Variants in FOXP2 observed in about 807,000 individuals in gnomAD.
FOXP2 encodes the protein forkhead box P2.
A neutral mutation model predicts 115.8 loss-of-function variants in FOXP2; 12 were observed. That is an observed-to-expected ratio of 0.10 (90% CI 0.07 to 0.17). The LOEUF is 0.17. Ranked by LOEUF, FOXP2 falls within the 10% of genes least tolerant of loss-of-function variation. FOXP2 has a pLI of 1.00. For missense variants in FOXP2, 629 were observed against 843.5 expected (o/e 0.75, Z 3.15); for synonymous variants, 328 against 297.7 (o/e 1.10, Z -1.05).
At position 114,693,376 on chromosome 7, in the gene FOXP2, C is replaced by G. The variant is rs1039891240; in HGVS notation, c.*3450C>G. 1.8e-5 allele frequency: 8 copies of G among 453,706 alleles called. No homozygotes were observed. The highest frequency in any genetic ancestry group is 1.6e-4 in the African/African-American group (8 of 49,976). The allele number at this position is 453,706 out of a possible 1,614,324, so 28.1% of individuals were successfully genotyped here. On this transcript the variant is annotated 3_prime_UTR_variant, in exon 17 of 17. Coordinates refer to ENST00000350908, the MANE Select transcript of FOXP2 (RefSeq NM_014491.4). The stretch of plus-strand genomic sequence containing the variant: ...TAAACCATCCTGGACTTTAATGTCC[C>G]TGGGCAGATTCAGTCGCAAAATCCA...
intron 1 of FOXP2, among the ~76,000 whole-genome samples, chr7:114,118,739 C>T (rs1384297351): frequency 1.3e-5 from 2 of 151,962 alleles, no homozygotes; most frequent in African/African-American, 4.8e-5. Context: ...GTCACCTGAT[C>T]CTTAGAGTGT....
intron 1 of FOXP2, among the ~76,000 whole-genome samples, chr7:114,238,725 T>A (rs1234221698): frequency 6.6e-6 from 1 of 151,966 alleles, no homozygotes; most frequent in South Asian, 2.1e-4. Context: ...TGAGCCAAGA[T>A]CATGCCACTG....
chr7:114,582,202 T>A (rs1055507264), intron 3 of FOXP2, among the ~76,000 whole-genome samples: 1 of 152,182 alleles, frequency 6.6e-6, no homozygotes, highest in Admixed American at 6.5e-5. Context: ...AGGTAGTTAA[T>A]CTTTAAAAAG....
chr7:114,476,583 G>GGATT lies in FOXP2; in HGVS notation c.168+49905_168+49908dup, dbSNP rs1189096798. ...CCTCTAGCTTTGTTCCTTTTCCTTA[G>GGATT]GATTACTTTGGCTATTCAGGCTCTT... is the stretch of plus-strand genomic sequence containing the variant. On this transcript the variant is annotated intron_variant, in intron 2 of 16. Coordinates refer to ENST00000350908, the MANE Select transcript of FOXP2 (RefSeq NM_014491.4). Among the ~76,000 whole-genome samples, 11 of 151,884 alleles carry GGATT rather than the reference G, an allele frequency of 7.2e-5. No homozygotes were observed. The East Asian group carries it at 2.1e-3, about 29-fold the overall frequency.
intron 2 of FOXP2, among the ~76,000 whole-genome samples, chr7:114,488,034 C>A (rs116025928): frequency 1.1e-4 from 16 of 152,250 alleles, no homozygotes; most frequent in African/African-American, 3.8e-4. Flanking sequence ...CAAGACATAC[C>A]TGAGACTGGG....
intron 1 of FOXP2, among the ~76,000 whole-genome samples, chr7:114,179,449 A>G (rs1425486409): frequency 6.6e-6 from 1 of 151,890 alleles, no homozygotes; most frequent in Non-Finnish European, 1.5e-5. Flanking sequence ...TCCACTCAGT[A>G]TTTTGTTTAC....
intron 2 of FOXP2, among the ~76,000 whole-genome samples, chr7:114,447,672 T>A (rs1024120526): frequency 6.6e-6 from 1 of 152,170 alleles, no homozygotes; most frequent in Non-Finnish European, 1.5e-5. Context: ...GAATTCCTAT[T>A]CATATTTTGA....
chr7:114,378,448 C>A (rs1792194881), intron 2 of FOXP2, among the ~76,000 whole-genome samples: 1 of 151,760 alleles, frequency 6.6e-6, no homozygotes, highest in Admixed American at 6.6e-5. Context: ...TTTTGGGAGG[C>A]TGAGAAAGAA....
At chr7:114,445,817 G>A (rs913295976) in intron 2 of FOXP2, among the ~76,000 whole-genome samples, 1 of 151,918 alleles carries the variant, frequency 6.6e-6, no homozygotes, top group Non-Finnish European at 1.5e-5. Flanking sequence ...AATAGTTTAA[G>A]AAATTACCTT....
chr7:114,309,148 C>T (rs1196921424), intron 2 of FOXP2, among the ~76,000 whole-genome samples: 1 of 152,094 alleles, frequency 6.6e-6, no homozygotes, highest in African/African-American at 2.4e-5. Flanking sequence ...GACAATGTAT[C>T]CTTCTGAGAT....
In FOXP2 at chr7:114,631,526, A is replaced by C; in HGVS notation, c.598-2A>C. 7.1e-7 allele frequency: 1 copy of C among 1,412,310 alleles called. No homozygotes were observed. The highest frequency in any genetic ancestry group is 9.4e-7 in the Non-Finnish European group (1 of 1,058,806). The allele number at this position is 1,412,310 out of a possible 1,614,324, so 87.5% of individuals were successfully genotyped here. A position where few individuals can be genotyped will look rare whatever the true frequency, so the allele number is the denominator to read the frequency against. On this transcript the variant is annotated splice_acceptor_variant, in intron 5 of 16. Transcript: ENST00000350908. LOFTEE classifies it high-confidence loss of function. ...TTACTGGTTTGGGTTTTCTGATACCAGCAGCAGCAGCAGCAGCAGCAGCAA... is the reference window on the plus strand; with the variant it reads ...TTACTGGTTTGGGTTTTCTGATACCCGCAGCAGCAGCAGCAGCAGCAGCAA...
At chr7:114,186,074 C>T (rs1031218846) in intron 1 of FOXP2, among the ~76,000 whole-genome samples, 1 of 151,990 alleles carries the variant, frequency 6.6e-6, no homozygotes, top group African/African-American at 2.4e-5. Flanking sequence ...GGCCTAGTCA[C>T]CTCTTAAAGG....
At chr7:114,120,917 T>A (rs1791545578) in intron 1 of FOXP2, among the ~76,000 whole-genome samples, 2 of 151,872 alleles carry the variant, frequency 1.3e-5, no homozygotes, top group Non-Finnish European at 2.9e-5. Flanking sequence ...TGCAGTAAAT[T>A]TGATGCAATT....
In FOXP2 at chr7:114,426,565, T is replaced by C; in HGVS notation, c.54T>C (p.Asn18=). The C allele has an allele frequency of 6.2e-7, 1 of 1,611,454 alleles. No individual in the cohort carries two copies. Among genetic ancestry groups the C allele is most frequent in the South Asian group, 1.1e-5 (1 of 91,034 alleles). Residue 18 remains asparagine (N), a synonymous_variant, in exon 2 of 17, where the codon AAT becomes AAC. Transcript: ENST00000350908. Reference sequence around the variant, plus strand: ...TAAGCAACAGTTCAATGAATCAAAATGGAATGAGCACTCTAAGCAGCCAAT... The same window carrying C: ...TAAGCAACAGTTCAATGAATCAAAACGGAATGAGCACTCTAAGCAGCCAAT... ...ETISNSSMNQ[N]GMSTLSSQLD... is the part of the protein sequence containing the mutation.
At chr7:114,518,420 A>G (rs1395297645) in intron 2 of FOXP2, among the ~76,000 whole-genome samples, 1 of 152,158 alleles carries the variant, frequency 6.6e-6, no homozygotes, top group Non-Finnish European at 1.5e-5. Context: ...CTTGACAGTG[A>G]ATTATTATAC....
intron 2 of FOXP2, among the ~76,000 whole-genome samples, chr7:114,501,275 T>A: frequency 6.6e-6 from 1 of 152,126 alleles, no homozygotes; most frequent in East Asian, 1.9e-4. Context: ...TGTATATTCA[T>A]TTTTCTAAAT....
chr7:114,263,838 C>T (rs1795822740), intron 1 of FOXP2, among the ~76,000 whole-genome samples: 1 of 151,788 alleles, frequency 6.6e-6, no homozygotes, highest in Non-Finnish European at 1.5e-5. Flanking sequence ...CTCGAGCTGG[C>T]TTCTAGTTTG....
chr7:114,469,109 G>T (rs1795934131), intron 2 of FOXP2, among the ~76,000 whole-genome samples: 1 of 151,872 alleles, frequency 6.6e-6, no homozygotes, highest in South Asian at 2.1e-4. Context: ...TGGCCTTCTT[G>T]ACCACAGACT....
chr7:114,444,800 C>T (rs915442585), intron 2 of FOXP2, among the ~76,000 whole-genome samples: 27 of 151,992 alleles, frequency 1.8e-4, no homozygotes, highest in Non-Finnish European at 3.7e-4. Context: ...TTAATATGTA[C>T]TGCATGATTA....
Sources: allele counts gnomAD v4.1 joint callset (sites outside exome capture counted in the v4.1 genomes callset), GRCh38; gene constraint gnomAD v4.1.1; transcripts MANE v1.5; gene names NCBI Gene and HGNC (gene_info 2026-07-23, HGNC 2026-07-21).